The following SORT1 variants were observed in gnomAD, a reference collection of about 807,000 sequenced individuals.
SORT1 encodes the protein sortilin 1, also known as sortilin.
A neutral mutation model predicts 101.7 loss-of-function variants in SORT1; 39 were observed. That is an observed-to-expected ratio of 0.38 (90% CI 0.30 to 0.50). The LOEUF is 0.50. Among genes scored for constraint, SORT1 ranks in the 20% least tolerant of loss-of-function variants. The pLI is 0.90. For synonymous variants in SORT1, 396 were observed against 393.7 expected (o/e 1.01, Z -0.07); for missense variants, 878 against 1,040.4 (o/e 0.84, Z 2.15).
At chr1:109,395,263 C>G (rs1041753482) in intron 1 of SORT1, among the ~76,000 whole-genome samples, 7 of 131,280 alleles carry the variant, frequency 5.3e-5, no homozygotes, top group African/African-American at 2.1e-4. Flanking sequence ...CTCTGTCACC[C>G]AGGCTGGAGT....
chr1:109,380,410 A>G (rs1652146683), intron 1 of SORT1, among the ~76,000 whole-genome samples: 1 of 152,226 alleles, frequency 6.6e-6, no homozygotes, highest in Admixed American at 6.5e-5. Flanking sequence ...ACTATGTAAA[A>G]AGTTTAAATT....
At position 109,317,895 on chromosome 1, in the gene SORT1, T is replaced by C. The variant is rs1023820714; in HGVS notation, c.2099A>G (p.Glu700Gly). Reference sequence around the variant, plus strand: ...TTCTTCTCTTCCGTACAGACAAAACTCCAGGTCGTGGCCCTTCAGTTCTGG... The same window carrying C: ...TTCTTCTCTTCCGTACAGACAAAACCCCAGGTCGTGGCCCTTCAGTTCTGG... ...EQPELKGHDL[E>G]FCLYGREEHL... Residue 700 changes from glutamate (E) to glycine (G), a missense_variant, in exon 16 of 20, where the codon GAG becomes GGG. Glu to Gly is a moderately conservative substitution (Grantham distance 98). Transcript: ENST00000256637. The C allele has an allele frequency of 3.1e-6, 5 of 1,613,974 alleles. No homozygotes were observed. The highest frequency in any genetic ancestry group is 4.2e-6 in the Non-Finnish European group (5 of 1,179,954).
chr1:109,343,306 A>G (rs1649355299), intron 8 of SORT1, among the ~76,000 whole-genome samples: 4 of 152,192 alleles, frequency 2.6e-5, no homozygotes, highest in Admixed American at 2.6e-4. Flanking sequence ...TTAACTTCCA[A>G]TGAAGTGCTT....
chr1:109,369,576 T>A lies in SORT1; in HGVS notation c.320A>T (p.Asp107Val), dbSNP rs1318187033. The A allele has an allele frequency of 3.7e-6, 6 of 1,607,986 alleles. No homozygotes were observed. Among genetic ancestry groups the A allele is most frequent in the Non-Finnish European group, 5.1e-6 (6 of 1,174,682 alleles). The change falls in exon 2 of 20, where the codon GAT (aspartate) becomes GTT (valine). Residue 107 changes from aspartate (D) to valine (V), a missense_variant. Physicochemically the swap from Asp to Val is radical, Grantham distance 152. This residue lies in a region of SORT1 where 684 missense variants were observed against 894.5 expected (regional missense o/e 0.76). Coordinates refer to ENST00000256637, the MANE Select transcript of SORT1 (RefSeq NM_002959.7). ...ANNTHQHVFD[D>V]LRGSVSLSWV... Reference sequence around the variant, plus strand: ...GGACAAGGATACTGAGCCTCTGAGATCATCAAACACATGCTATAAGGGGAA... The same window carrying A: ...GGACAAGGATACTGAGCCTCTGAGAACATCAAACACATGCTATAAGGGGAA...
rs72646581 is a variant in SORT1 at position 109,317,800 on chromosome 1, C to T, written c.2141+53G>A. ...TCAGTGTGGAGAGAAGCAGCTTTCACTCTGAACAAGAACACCTCATCCATC... is the reference window on the plus strand; with the variant it reads ...TCAGTGTGGAGAGAAGCAGCTTTCATTCTGAACAAGAACACCTCATCCATC... On this transcript the variant is annotated intron_variant, in intron 16 of 19. Coordinates refer to ENST00000256637, the MANE Select transcript of SORT1 (RefSeq NM_002959.7). The T allele has an allele frequency of 6.3e-3, 7,523 of 1,199,952 alleles. 314 individuals are homozygous for T. In the African/African-American group the frequency reaches 0.094, roughly 15 times the overall value. 74.3% of individuals were successfully genotyped at this position (1,199,952 alleles called of 1,614,324 possible).
chr1:109,397,727 C>T lies in SORT1; in HGVS notation c.166G>A (p.Val56Met). ...GCGGCCGCCCGCAGCCCCCAGCTCA[C>T]CCCGATGGGGCCAGACCAGCGCGGC... The part of the protein sequence containing the change: ...PLPRWSGPIG[V>M]SWGLRAAAAG... The change falls in exon 1 of 20, where the codon GTG (valine) becomes ATG (methionine). Residue 56 changes from valine to methionine, a missense_variant. Around this residue, in one of 2 missense-constraint regions of SORT1, gnomAD observed 194 missense variants for 145.9 expected, o/e 1.33. Transcript: ENST00000256637. 8.4e-7 allele frequency: 1 copy of T among 1,191,322 alleles called. No homozygotes were observed. The highest frequency in any genetic ancestry group is 1.0e-6 in the Non-Finnish European group (1 of 964,254). 73.8% of individuals were successfully genotyped at this position (1,191,322 alleles called of 1,614,324 possible). A position where few individuals can be genotyped will look rare whatever the true frequency, so the allele number is the denominator to read the frequency against.
At chr1:109,341,589 T>C (rs1649228367) in intron 9 of SORT1, among the ~76,000 whole-genome samples, 2 of 152,180 alleles carry the variant, frequency 1.3e-5, no homozygotes, top group Non-Finnish European at 2.9e-5. Flanking sequence ...GACCTCGTGA[T>C]CTGCCCGCCT....
At chr1:109,356,064 G>T (rs189428417) in intron 3 of SORT1, among the ~76,000 whole-genome samples, 16 of 152,168 alleles carry the variant, frequency 1.1e-4, no homozygotes, top group Non-Finnish European at 2.2e-4. Flanking sequence ...TAGAGACGGG[G>T]TTTCACCACA....
At chr1:109,343,317 T>C (rs541272063) in intron 8 of SORT1, among the ~76,000 whole-genome samples, 3 of 152,336 alleles carry the variant, frequency 2.0e-5, no homozygotes, top group African/African-American at 7.2e-5. Context: ...TGAAGTGCTT[T>C]TGTCAAGGTC....
At chr1:109,394,721 T>C (rs949304522) in intron 1 of SORT1, among the ~76,000 whole-genome samples, 1 of 152,176 alleles carries the variant, frequency 6.6e-6, no homozygotes, top group African/African-American at 2.4e-5. Flanking sequence ...CTAGCACAGA[T>C]CTAGGCATTT....
chr1:109,354,402 G>T lies in SORT1; in HGVS notation c.673C>A (p.Gln225Lys), dbSNP rs1475792164. The change falls in exon 5 of 20, where the codon CAG (glutamine) becomes AAG (lysine). Residue 225 changes from glutamine (Q) to lysine (K), a missense_variant. Coordinates refer to ENST00000256637, the MANE Select transcript of SORT1 (RefSeq NM_002959.7). Reference sequence around the variant, plus strand: ...AGAGCTAAAAGATAATCAGAATTCTGAGGGCTATACATCATCTGAGTGAGA... The same window carrying T: ...AGAGCTAAAAGATAATCAGAATTCTTAGGGCTATACATCATCTGAGTGAGA... ...HPLTQMMYSP[Q>K]NSDYLLALST... 1.2e-6 allele frequency: 2 copies of T among 1,613,534 alleles called. No homozygotes were observed. Among genetic ancestry groups the T allele is most frequent in the African/African-American group, 2.7e-5 (2 of 75,034 alleles).
Position 109,323,008 on chromosome 1 carries a change from CG to C in SORT1, c.1947del (p.Val650CysfsTer10). 6.2e-7 allele frequency: 1 copy of C among 1,614,184 alleles called. No individual in the cohort carries two copies. The highest frequency in any genetic ancestry group is 8.5e-7 in the Non-Finnish European group (1 of 1,179,998). The part of the protein sequence containing the change: ...KEQFLRLRKS[S>X]VCQNGRDYVV... ...ACATAGTCTCGACCATTCTGACACA[CG>C]GATGACTTGCGTAGCCGCAGAAACT... is the stretch of plus-strand genomic sequence containing the variant. On this transcript the variant is annotated frameshift_variant, in exon 15 of 20. Transcript: ENST00000256637. LOFTEE classifies it high-confidence loss of function.
At chr1:109,355,563 A>C in intron 3 of SORT1, 94 bp from the exon 4 acceptor site, 1 of 641,902 alleles carries the variant, frequency 1.6e-6, no homozygotes. Flanking sequence ...TCCACCAATC[A>C]TGCTGAGAGA....
At chr1:109,336,367 A>G (rs2101571780) in intron 10 of SORT1, 21 bp from the exon 11 acceptor site, 2 of 1,418,804 alleles carry the variant, frequency 1.4e-6, no homozygotes, top group Non-Finnish European at 1.0e-6. Flanking sequence ...AGAGAACAAC[A>G]TTAAGTCTGA....
chr1:109,322,048 ACCTAGTGTCTGC>A (rs569329680), intron 15 of SORT1, among the ~76,000 whole-genome samples: 42 of 151,208 alleles, frequency 2.8e-4, no homozygotes, highest in Non-Finnish European at 5.2e-4. Context: ...AGGATCCAAA[ACCTAGTGTCTGC>A]CTGCTGAGCT....
intron 11 of SORT1, 43 bp downstream of exon 11, chr1:109,336,197 A>G (rs368829524): frequency 3.3e-6 from 4 of 1,226,010 alleles, no homozygotes; most frequent in East Asian, 4.6e-5. Flanking sequence ...TCAGAGCACA[A>G]TGGAAAGGCT....
chr1:109,325,299 G>A (rs570849944), intron 13 of SORT1, among the ~76,000 whole-genome samples: 5 of 141,038 alleles, frequency 3.5e-5, no homozygotes, highest in Admixed American at 1.5e-4. Context: ...GTGCAGTGGC[G>A]CGATCTCGAC....
chr1:109,348,538 G>T (rs747724311), intron 6 of SORT1, among the ~76,000 whole-genome samples: 33 of 152,268 alleles, frequency 2.2e-4, no homozygotes, highest in Admixed American at 1.9e-3. Flanking sequence ...ACCTAGTTTG[G>T]AGTGCAGTGG....
intron 1 of SORT1, among the ~76,000 whole-genome samples, chr1:109,376,428 C>G (rs570151856): frequency 4.6e-5 from 7 of 151,970 alleles, no homozygotes; most frequent in African/African-American, 1.7e-4. Context: ...AATCATTCTA[C>G]CAAAAAGACA....
Sources: gnomAD v4.1 joint callset for allele counts (sites outside exome capture counted in the v4.1 genomes callset) on GRCh38, gnomAD v4.1.1 for gene constraint, gnomAD v4.1.1 regional missense constraint, MANE v1.5 for transcripts, NCBI Gene and HGNC (gene_info 2026-07-23, HGNC 2026-07-21) for gene names.